FAM53B: variants seen among roughly 807,000 people sequenced by gnomAD.
FAM53B encodes protein FAM53B.
A neutral mutation model predicts 32.7 loss-of-function variants in FAM53B; 12 were observed. That is an observed-to-expected ratio of 0.37 (90% CI 0.24 to 0.59). The LOEUF (loss-of-function observed/expected upper bound fraction) is 0.59. FAM53B is among the 20% of genes least tolerant of loss of function. FAM53B has a pLI of 0.72. For missense variants in FAM53B, 477 were observed against 577.7 expected (o/e 0.83, Z 1.79); for synonymous variants, 234 against 228.7 (o/e 1.02, Z -0.21).
intron 4 of FAM53B, among the ~76,000 whole-genome samples, chr10:124,626,958 A>T (rs1022282901): frequency 1.1e-4 from 17 of 152,366 alleles, no homozygotes; most frequent in Middle Eastern, 3.4e-3. Context: ...GGGGGAGTCT[A>T]CAAGGAAGGG....
At chr10:124,739,160 T>A (rs959820186) in intron 1 of FAM53B, among the ~76,000 whole-genome samples, 1 of 152,060 alleles carries the variant, frequency 6.6e-6, no homozygotes, top group Non-Finnish European at 1.5e-5. Flanking sequence ...AAACAAAATT[T>A]CTGCTTTGAG....
chr10:124,624,964 T>C (rs1366177113), intron 4 of FAM53B, among the ~76,000 whole-genome samples: 1 of 152,080 alleles, frequency 6.6e-6, no homozygotes, highest in Non-Finnish European at 1.5e-5. Context: ...ATTCCAGCCT[T>C]TAGTTTCTTC....
chr10:124,664,655 C>T (rs1949657326), intron 4 of FAM53B, among the ~76,000 whole-genome samples: 3 of 152,230 alleles, frequency 2.0e-5, no homozygotes, highest in Non-Finnish European at 4.4e-5. Flanking sequence ...TGCCCAAGGC[C>T]AGGCCCTCAG....
intron 4 of FAM53B, among the ~76,000 whole-genome samples, chr10:124,646,059 T>A (rs1168779563): frequency 2.0e-5 from 3 of 152,120 alleles, no homozygotes; most frequent in Non-Finnish European, 4.4e-5. Flanking sequence ...GTCAAGGCCT[T>A]TTACTCCAGT....
In FAM53B at chr10:124,682,544, G is replaced by A. The variant is rs1306023910; in HGVS notation, c.134-165C>T. On this transcript the variant is annotated intron_variant, in intron 3 of 4. Coordinates refer to ENST00000337318, the MANE Select transcript of FAM53B (RefSeq NM_014661.4). The surrounding 1 kb of genome is among the most constrained non-coding windows in gnomAD (Gnocchi z 5.2). ...ATTTTACAGATGAGAAATTGAGGCTGAGAGAGGAGAAGTGAATCCCAAGGC... is the reference window on the plus strand; with the variant it reads ...ATTTTACAGATGAGAAATTGAGGCTAAGAGAGGAGAAGTGAATCCCAAGGC... 1.3e-5 allele frequency among the ~76,000 whole-genome samples: 2 copies of A among 152,182 alleles called. No individual in the cohort carries two copies. Among genetic ancestry groups the A allele is most frequent in the Non-Finnish European group, 2.9e-5 (2 of 68,022 alleles).
intron 3 of FAM53B, among the ~76,000 whole-genome samples, chr10:124,689,119 T>G (rs1442775708): frequency 2.6e-5 from 4 of 152,134 alleles, no homozygotes; most frequent in Admixed American, 6.5e-5. Context: ...GCCCTGTAGG[T>G]TGGGTTGTGC....
chr10:124,686,114 C>A (rs566659226), intron 3 of FAM53B, among the ~76,000 whole-genome samples: 1 of 152,228 alleles, frequency 6.6e-6, no homozygotes, highest in Non-Finnish European at 1.5e-5. Flanking sequence ...CTCCTCCCCC[C>A]AGCTTTGTGT....
chr10:124,655,964 C>T (rs967191883), intron 4 of FAM53B, among the ~76,000 whole-genome samples: 22 of 152,208 alleles, frequency 1.4e-4, no homozygotes, highest in African/African-American at 4.6e-4. Context: ...ACAGCAGGTA[C>T]GTACCAAACA....
At chr10:124,698,142 A>G (rs1564880897) in intron 2 of FAM53B, among the ~76,000 whole-genome samples, 2 of 152,286 alleles carry the variant, frequency 1.3e-5, no homozygotes, top group East Asian at 3.9e-4. Context: ...AGCTCCCAGC[A>G]CTAAGGGAAC....
intron 1 of FAM53B, among the ~76,000 whole-genome samples, chr10:124,721,627 C>T (rs1032668589): frequency 6.6e-6 from 1 of 152,258 alleles, no homozygotes; most frequent in Non-Finnish European, 1.5e-5. Context: ...AGGAGTAAGA[C>T]AGCTTCCTCA....
intron 4 of FAM53B, among the ~76,000 whole-genome samples, chr10:124,639,807 C>G (rs371227019): frequency 6.6e-6 from 1 of 151,888 alleles, no homozygotes; most frequent in Non-Finnish European, 1.5e-5. Context: ...ATGCCTGGGG[C>G]GGGCATGGGG....
intron 4 of FAM53B, among the ~76,000 whole-genome samples, chr10:124,662,458 C>A (rs1395150406): frequency 1.2e-4 from 10 of 84,054 alleles, no homozygotes; most frequent in African/African-American, 3.5e-4. Context: ...ACACACCCAC[C>A]CACCCATCCA....
chr10:124,694,232 C>T (rs1258788480), intron 3 of FAM53B, among the ~76,000 whole-genome samples: 3 of 152,354 alleles, frequency 2.0e-5, no homozygotes, highest in African/African-American at 7.2e-5. Flanking sequence ...TGGGACCCAG[C>T]CAGCACTTCC....
chr10:124,650,825 G>C (rs1949551280), intron 4 of FAM53B, among the ~76,000 whole-genome samples: 1 of 152,166 alleles, frequency 6.6e-6, no homozygotes, highest in African/African-American at 2.4e-5. Flanking sequence ...TTTGTTTCGA[G>C]AGAGAGATGT....
In FAM53B at chr10:124,620,216, G is replaced by A. The variant is rs937396729; in HGVS notation, c.*3026C>T. The A allele has an allele frequency of 2.6e-5, 4 of 152,590 alleles. No homozygotes were observed. The highest frequency in any genetic ancestry group is 2.1e-4 in the South Asian group (1 of 4,836). 9.5% of individuals were successfully genotyped at this position (152,590 alleles called of 1,614,324 possible). The stretch of plus-strand genomic sequence containing the variant: ...GGTGCACGTCTGCCCGTGCAAATCC[G>A]GCCTCCACCGCGAGTAAGGCAAGAG... On this transcript the variant is annotated 3_prime_UTR_variant, in exon 5 of 5. Coordinates refer to ENST00000337318, the MANE Select transcript of FAM53B (RefSeq NM_014661.4).
intron 4 of FAM53B, among the ~76,000 whole-genome samples, chr10:124,624,934 C>T (rs1036558425): frequency 2.0e-5 from 3 of 152,198 alleles, no homozygotes; most frequent in Non-Finnish European, 4.4e-5. Flanking sequence ...GGAAGAGCTG[C>T]GCACAGAGGG....
intron 4 of FAM53B, chr10:124,671,165 G>A (rs1321243861): frequency 4.4e-6 from 2 of 454,202 alleles, no homozygotes; most frequent in South Asian, 3.1e-5. Flanking sequence ...ACCTGCAGGA[G>A]CAATCTGCTC....
In FAM53B at chr10:124,622,229, C is replaced by T. The variant is rs1435867682; in HGVS notation, c.*1013G>A. ...AGGACAAACGGGAGGTGCCTGGAAT[C>T]CTGCAGGGGCCCCTGCAGAGTGGCC... On this transcript the variant is annotated 3_prime_UTR_variant, in exon 5 of 5. Transcript: ENST00000337318. The T allele has an allele frequency of 6.6e-6, 1 of 152,198 alleles. No individual in the cohort carries two copies. The highest frequency in any genetic ancestry group is 1.5e-5 in the Non-Finnish European group (1 of 68,056). 9.4% of individuals were successfully genotyped at this position (152,198 alleles called of 1,614,324 possible). A position where few individuals can be genotyped will look rare whatever the true frequency, so the allele number is the denominator to read the frequency against.
rs1286204043 is a variant in FAM53B at position 124,733,665 on chromosome 10, G to A, written c.-175+10348C>T. Among the ~76,000 whole-genome samples, 2 of 152,228 alleles carry A rather than the reference G, an allele frequency of 1.3e-5. No homozygotes were observed. Among genetic ancestry groups the A allele is most frequent in the African/African-American group, 2.4e-5 (1 of 41,454 alleles). On this transcript the variant is annotated intron_variant, in intron 1 of 4. Transcript: ENST00000337318. This position sits in a 1 kb window ranked among gnomAD's most constrained non-coding sequence, Gnocchi z 4.3. Reference sequence around the variant, plus strand: ...AATCCCAAGGGCGCCTGCTAAATGCGAGAGTTTTGTCTAAAAATAAACAAA... The same window carrying A: ...AATCCCAAGGGCGCCTGCTAAATGCAAGAGTTTTGTCTAAAAATAAACAAA...
Sources: gnomAD v4.1 joint callset for allele counts (sites outside exome capture counted in the v4.1 genomes callset) on GRCh38, gnomAD v4.1.1 for gene constraint, Gnocchi (gnomAD v3.1) non-coding constraint, MANE v1.5 for transcripts, NCBI Gene and HGNC (gene_info 2026-07-23, HGNC 2026-07-21) for gene names.